The following COL4A4 variants were observed in gnomAD, a reference collection of about 807,000 sequenced individuals.
COL4A4 encodes collagen type IV alpha 4 chain, also known as collagen alpha-4(IV) chain.
A neutral mutation model predicts 192.9 loss-of-function variants in COL4A4; 105 were observed. The ratio of observed to expected loss-of-function variants is 0.54; its 90% confidence interval spans 0.46 to 0.64. The LOEUF (loss-of-function observed/expected upper bound fraction) is 0.64. COL4A4 is among the 30% of genes least tolerant of loss of function. The pLI, the probability that COL4A4 is intolerant of heterozygous loss-of-function variation, is 0.00. For synonymous variants in COL4A4, 762 were observed against 769.9 expected (o/e 0.99, Z 0.17); for missense variants, 1,967 against 2,169.3 (o/e 0.91, Z 1.85).
the COL4A4 span, among the ~76,000 whole-genome samples, chr2:226,986,157 T>C: frequency 4.1e-4 from 62 of 152,310 alleles, no homozygotes; most frequent in South Asian, 9.7e-3. Flanking sequence ...ATCTGTCTGC[T>C]ACCACTCAAG....
At chr2:227,039,887 A>G (rs1375270421) in intron 37 of COL4A4, among the ~76,000 whole-genome samples, 1 of 152,218 alleles carries the variant, frequency 6.6e-6, no homozygotes, top group Non-Finnish European at 1.5e-5. Context: ...CATATTACTA[A>G]AAGTGTCAAT....
rs1328373785 is a variant in COL4A4 at position 227,051,452 on chromosome 2, C to T, written c.2969-294G>A. Among the ~76,000 whole-genome samples, 3 of 152,158 alleles carry T rather than the reference C, an allele frequency of 2.0e-5. No individual in the cohort carries two copies. In the East Asian group the frequency reaches 5.8e-4, roughly 29 times the overall value. On this transcript the variant is annotated intron_variant, in intron 32 of 47. Transcript: ENST00000396625. Reference sequence around the variant, plus strand: ...TACCCAGAAAAGTTAAAATATTTGCCCTCTAACAACTAGCTGAGAGAAGCC... The same window carrying T: ...TACCCAGAAAAGTTAAAATATTTGCTCTCTAACAACTAGCTGAGAGAAGCC...
intron 25 of COL4A4, among the ~76,000 whole-genome samples, chr2:227,067,688 T>G (rs1334711069): frequency 6.6e-6 from 1 of 152,100 alleles, no homozygotes; most frequent in East Asian, 1.9e-4. Context: ...AGACACAACA[T>G]ACCAGAATCT....
rs749160885 is a variant in COL4A4 at position 227,088,793 on chromosome 2, C to T, written c.1483G>A (p.Glu495Lys). 5.0e-6 allele frequency: 8 copies of T among 1,614,152 alleles called. No individual in the cohort carries two copies. Among genetic ancestry groups the T allele is most frequent in the Admixed American group, 1.7e-5 (1 of 60,026 alleles). Residue 495 changes from glutamate (E) to lysine (K), a missense_variant, in exon 22 of 48, where the codon GAG (glutamate) becomes AAG (lysine). Glu to Lys is a moderately conservative substitution (Grantham distance 56). Coordinates refer to ENST00000396625, the MANE Select transcript of COL4A4 (RefSeq NM_000092.5). Reference protein sequence around the residue: ...EKGNEGLCACEPGPMGPPGPP... With the variant: ...EKGNEGLCACKPGPMGPPGPP... ...CCAGGGGGGCCCATGGGTCCAGGCT[C>T]ACAGGCACAGAGTCCTTCATTTCCT...
chr2:227,001,964 A>G (rs1449866585), downstream of COL4A4, among the ~76,000 whole-genome samples: 11 of 152,108 alleles, frequency 7.2e-5, no homozygotes, highest in Non-Finnish European at 5.9e-5. Context: ...TTTGAAGCCA[A>G]GAGTTTAAGA....
At chr2:227,140,939 GC>G (rs2063167923) in intron 3 of COL4A4, among the ~76,000 whole-genome samples, 1 of 148,552 alleles carries the variant, frequency 6.7e-6, no homozygotes, top group African/African-American at 2.5e-5. Flanking sequence ...GGAAGAATCA[GC>G]TCCTTGTTCT....
chr2:227,103,938 A>G, intron 13 of COL4A4, 34 bp downstream of exon 13: 2 of 1,531,582 alleles, frequency 1.3e-6, no homozygotes, highest in Non-Finnish European at 1.8e-6. Flanking sequence ...TTCTACTGCT[A>G]CTTTCCAAGG....
At chr2:227,059,307 T>C (rs1976276817) in intron 28 of COL4A4, 98 bp downstream of exon 28, 3 of 1,027,224 alleles carry the variant, frequency 2.9e-6, no homozygotes, top group Non-Finnish European at 4.6e-6. Context: ...CTGTTTATAT[T>C]CTACATGCCT....
At chr2:227,041,856 A>AAGAAAGAAAG (rs1971364993) in intron 37 of COL4A4, among the ~76,000 whole-genome samples, 2 of 97,040 alleles carry the variant, frequency 2.1e-5, no homozygotes, top group African/African-American at 4.8e-5. Context: ...AAGAGAAAGA[A>AAGAAAGAAAG]AGAAAGAAAG....
chr2:227,007,903 C>T, intron 47 of COL4A4, 115 bp downstream of exon 47: 2 of 1,326,164 alleles, frequency 1.5e-6, no homozygotes, highest in Non-Finnish European at 2.1e-6. Context: ...GTCCCCGTAA[C>T]CTTATGTCCT....
chr2:227,058,872 A>C (rs896021257), intron 28 of COL4A4, among the ~76,000 whole-genome samples: 2 of 151,762 alleles, frequency 1.3e-5, no homozygotes, highest in African/African-American at 4.9e-5. Flanking sequence ...AAAGGATATG[A>C]ATCAGTGTCC....
chr2:227,006,490 T>C lies in COL4A4; in HGVS notation c.*835A>G, dbSNP rs1962144489. The C allele has an allele frequency of 6.6e-6, 1 of 152,470 alleles. No individual in the cohort carries two copies. The highest frequency in any genetic ancestry group is 1.5e-5 in the Non-Finnish European group (1 of 68,060). 9.4% of individuals were successfully genotyped at this position (152,470 alleles called of 1,614,324 possible). On this transcript the variant is annotated 3_prime_UTR_variant, in exon 48 of 48. Coordinates refer to ENST00000396625, the MANE Select transcript of COL4A4 (RefSeq NM_000092.5). ...GTTCACTGCAATGGGGAGTCAATTT[T>C]TGTGAATAACTACCTTAATATTCAC...
chr2:227,052,179 A>G lies in COL4A4; in HGVS notation c.2968+126T>C, dbSNP rs1208875966. The G allele has an allele frequency of 3.3e-5, 22 of 662,264 alleles. No individual in the cohort carries two copies. The Admixed American group carries it at 4.7e-4, about 14-fold the overall frequency. 41.0% of individuals were successfully genotyped at this position (662,264 alleles called of 1,614,324 possible). A position where few individuals can be genotyped will look rare whatever the true frequency, so the allele number is the denominator to read the frequency against. ...GCACTCCAGCCTGGGCGACAAGAGC[A>G]AAACTCCATCTCAAAAAAAAAAAAG... On this transcript the variant is annotated intron_variant, in intron 32 of 47. Coordinates refer to ENST00000396625, the MANE Select transcript of COL4A4 (RefSeq NM_000092.5).
intron 24 of COL4A4, among the ~76,000 whole-genome samples, chr2:227,079,856 G>A (rs914916011): frequency 6.6e-6 from 1 of 152,160 alleles, no homozygotes; most frequent in Non-Finnish European, 1.5e-5. Context: ...GATATTTTAA[G>A]TTCCTAAGCA....
chr2:227,000,159 C>T (rs1010286304), downstream of COL4A4, among the ~76,000 whole-genome samples: 4 of 152,118 alleles, frequency 2.6e-5, no homozygotes, highest in Non-Finnish European at 5.9e-5. Flanking sequence ...ACAAGGTCTT[C>T]AGACTCTCGT....
chr2:227,060,127 C>T lies in COL4A4; in HGVS notation c.2164+9G>A, dbSNP rs1467377093. ...AAAAAAAAAAAAAAAAAAAAAAAAC[C>T]TCACTGACCAGGTGGACCTGGTATT... On this transcript the variant is annotated intron_variant, in intron 27 of 47. Coordinates refer to ENST00000396625, the MANE Select transcript of COL4A4 (RefSeq NM_000092.5). The T allele has an allele frequency of 1.8e-6, 1 of 540,884 alleles. No homozygotes were observed. The highest frequency in any genetic ancestry group is 5.0e-5 in the South Asian group (1 of 20,130). The allele number at this position is 540,884 out of a possible 1,614,324, so 33.5% of individuals were successfully genotyped here. A position where few individuals can be genotyped will look rare whatever the true frequency, so the allele number is the denominator to read the frequency against.
At position 227,059,405 on chromosome 2, in the gene COL4A4, C is replaced by G. The variant is rs779584531; in HGVS notation, c.2383G>C (p.Gly795Arg). Residue 795 changes from glycine to arginine, a missense_variant and splice_region_variant, in exon 28 of 48, where the codon GGG becomes CGG. Transcript: ENST00000396625. ...CAAAAGGACAGCAAAGCCCTCATAC[C>G]TTCAGCCCCTGGACATCCCGGATCA... The part of the protein sequence containing the change: ...RGDPGCPGAE[G>R]PAGIPGFLGL... The G allele has an allele frequency of 6.2e-7, 1 of 1,613,834 alleles. No individual in the cohort carries two copies. Among genetic ancestry groups the G allele is most frequent in the Non-Finnish European group, 8.5e-7 (1 of 1,179,728 alleles).
intron 9 of COL4A4, among the ~76,000 whole-genome samples, chr2:227,110,839 C>T (rs980853715): frequency 6.6e-6 from 1 of 151,946 alleles, no homozygotes; most frequent in Non-Finnish European, 1.5e-5. Context: ...CGCGCCACCA[C>T]GCCTGGCTAA....
intron 37 of COL4A4, 120 bp from the exon 38 acceptor site, chr2:227,033,601 G>T: frequency 1.3e-6 from 1 of 787,384 alleles, no homozygotes; most frequent in Non-Finnish European, 2.2e-6. Context: ...ACAGCTCTGA[G>T]CGTCTGGACT....
Sources: gnomAD v4.1 joint callset for allele counts (sites outside exome capture counted in the v4.1 genomes callset) on GRCh38, gnomAD v4.1.1 for gene constraint, MANE v1.5 for transcripts, NCBI Gene and HGNC (gene_info 2026-07-23, HGNC 2026-07-21) for gene names.